Variants in DACT1 observed in about 807,000 individuals in gnomAD.
DACT1 encodes the protein dapper homolog 1.
A neutral mutation model predicts 35.3 loss-of-function variants in DACT1; 19 were observed. That is an observed-to-expected ratio of 0.54 (90% CI 0.38 to 0.79). DACT1 has a LOEUF of 0.79. DACT1 is among the 30% of genes least tolerant of loss of function. The pLI is 0.00. For synonymous variants in DACT1, 545 were observed against 466.7 expected (o/e 1.17, Z -2.16); for missense variants, 1,143 against 1,057.5 (o/e 1.08, Z -1.12).
chr14:58,646,676 A>C lies in DACT1; in HGVS notation c.1942A>C (p.Ile648Leu), dbSNP rs770011783. 3.7e-6 allele frequency: 6 copies of C among 1,612,552 alleles called. No homozygotes were observed. The Admixed American group carries it at 1.0e-4, about 27-fold the overall frequency. The change falls in exon 4 of 4, where the codon ATT becomes CTT. Residue 648 changes from isoleucine (I) to leucine (L), a missense_variant. Ile to Leu is a conservative substitution (Grantham distance 5). This residue lies in a region of DACT1 where 1,054 missense variants were observed against 958.8 expected (regional missense o/e 1.10). Coordinates refer to ENST00000395153, the MANE Select transcript of DACT1 (RefSeq NM_001079520.2). ...DYRRWKSSAEISYEEALRRAR... is the reference protein window; with the variant it reads ...DYRRWKSSAELSYEEALRRAR... Reference sequence around the variant, plus strand: ...CCGGCGGTGGAAGTCCTCGGCCGAGATTTCCTACGAAGAGGCCCTGAGGAG... The same window carrying C: ...CCGGCGGTGGAAGTCCTCGGCCGAGCTTTCCTACGAAGAGGCCCTGAGGAG...
At chr14:58,640,621 TG>T in intron 1 of DACT1, 114 bp from the exon 2 acceptor site, 1 of 1,270,300 alleles carries the variant, frequency 7.9e-7, no homozygotes, top group Non-Finnish European at 1.1e-6. Context: ...AGTAAAATTT[TG>T]GTTTTCTAAG....
chr14:58,641,541 A>T, intron 2 of DACT1, 51 bp from the exon 3 acceptor site: 1 of 1,554,596 alleles, frequency 6.4e-7, no homozygotes, highest in East Asian at 2.3e-5. Context: ...AAGCGTGAAT[A>T]TGCATTATTT....
At chr14:58,639,274 T>C in intron 1 of DACT1, 1 of 985,108 alleles carries the variant, frequency 1.0e-6, no homozygotes, top group African/African-American at 1.7e-5. Context: ...TAAGCATTTA[T>C]CTTACTGGGT....
intron 2 of DACT1, 30 bp from the exon 3 acceptor site, chr14:58,641,562 T>C (rs2140214363): frequency 6.3e-7 from 1 of 1,599,902 alleles, no homozygotes; most frequent in Non-Finnish European, 8.5e-7. Context: ...CTTGACATGA[T>C]GTTAATTCCA....
rs2047692903 is a variant in DACT1 at position 58,646,780 on chromosome 14, C to T, written c.2046C>T (p.Tyr682=). The T allele has an allele frequency of 1.2e-6, 2 of 1,614,044 alleles. No individual in the cohort carries two copies. Among genetic ancestry groups the T allele is most frequent in the South Asian group, 1.1e-5 (1 of 91,094 alleles). The change falls in exon 4 of 4, where the codon TAC becomes TAT. Residue 682 remains tyrosine (Y), a synonymous_variant. Coordinates refer to ENST00000395153, the MANE Select transcript of DACT1 (RefSeq NM_001079520.2). Reference sequence around the variant, plus strand: ...TGCCCTACGCCAGCCCCTACGCCTACGTGGCTAGCGACTCCGAGTACTCGG... The same window carrying T: ...TGCCCTACGCCAGCCCCTACGCCTATGTGGCTAGCGACTCCGAGTACTCGG... ...VPLPYASPYA[Y]VASDSEYSAE... is the part of the protein sequence containing the mutation.
upstream of DACT1, among the ~76,000 whole-genome samples, chr14:58,634,548 G>GA (rs2047561911): frequency 6.6e-6 from 1 of 152,164 alleles, no homozygotes. Flanking sequence ...ATGTCTGGCT[G>GA]GGGCTTTGAT....
rs1294936579 is a variant in DACT1 at position 58,645,630 on chromosome 14, A to C, written c.896A>C (p.Lys299Thr). 13 of 1,614,212 alleles carry C rather than the reference A, an allele frequency of 8.1e-6. No homozygotes were observed. The highest frequency in any genetic ancestry group is 1.1e-5 in the Non-Finnish European group (13 of 1,180,034). The stretch of plus-strand genomic sequence containing the variant: ...TCTGCTTCCCATCCTTCATCCAGCA[A>C]GAAAATGGATGGCTACATTCTGAGC... ...LWSASHPSSS[K>T]KMDGYILSLV... The change falls in exon 4 of 4, where the codon AAG (lysine) becomes ACG (threonine). Residue 299 changes from lysine (K) to threonine (T), a missense_variant. By Grantham distance (78) the Lys-to-Thr change is moderately conservative. This residue lies in a region of DACT1 where 1,054 missense variants were observed against 958.8 expected (regional missense o/e 1.10). Coordinates refer to ENST00000395153, the MANE Select transcript of DACT1 (RefSeq NM_001079520.2).
intron 1 of DACT1, chr14:58,639,042 C>T (rs1595595682): frequency 1.0e-6 from 1 of 985,324 alleles, no homozygotes; most frequent in Non-Finnish European, 1.2e-6. Flanking sequence ...TACACTGGAG[C>T]GCCTGTAGGG....
intron 3 of DACT1, among the ~76,000 whole-genome samples, chr14:58,643,811 A>C (rs556717833): frequency 5.9e-5 from 9 of 152,236 alleles, no homozygotes; most frequent in African/African-American, 2.2e-4. Context: ...GATAGGGCTT[A>C]CGTTGCTGGG....
At position 58,646,309 on chromosome 14, in the gene DACT1, G is replaced by A. The variant is rs1158055528; in HGVS notation, c.1575G>A (p.Gly525=). ...AHLVKAQFIP[G]QQPSVRLHRG... is the part of the protein sequence containing the mutation. ...TGGTCAAGGCCCAGTTTATCCCGGG[G>A]CAGCAGCCCAGTGTCAGGCTCCACC... The change falls in exon 4 of 4, where the codon GGG becomes GGA. Residue 525 remains glycine (G), a synonymous_variant. Coordinates refer to ENST00000395153, the MANE Select transcript of DACT1 (RefSeq NM_001079520.2). The A allele has an allele frequency of 6.2e-7, 1 of 1,610,428 alleles. No homozygotes were observed. The highest frequency in any genetic ancestry group is 2.2e-5 in the East Asian group (1 of 44,862).
Position 58,646,377 on chromosome 14 carries a change from A to G in DACT1, c.1643A>G (p.Lys548Arg). ...NMGVVKNSSLKHRGPALQGLE... is the reference protein window; with the variant it reads ...NMGVVKNSSLRHRGPALQGLE... The stretch of plus-strand genomic sequence containing the variant: ...GGCGTCGTGAAGAACTCCAGCCTGA[A>G]GCACCGCGGCCCAGCCCTCCAGGGG... Residue 548 changes from lysine to arginine, a missense_variant, in exon 4 of 4, where the codon AAG becomes AGG. Lys to Arg is a conservative substitution (Grantham distance 26). Coordinates refer to ENST00000395153, the MANE Select transcript of DACT1 (RefSeq NM_001079520.2). 6.2e-7 allele frequency: 1 copy of G among 1,604,984 alleles called. No individual in the cohort carries two copies. Among genetic ancestry groups the G allele is most frequent in the Non-Finnish European group, 8.5e-7 (1 of 1,177,828 alleles).
At position 58,647,386 on chromosome 14, in the gene DACT1, C is replaced by T. The variant is rs2047704026; in HGVS notation, c.*252C>T. On this transcript the variant is annotated 3_prime_UTR_variant, in exon 4 of 4. Coordinates refer to ENST00000395153, the MANE Select transcript of DACT1 (RefSeq NM_001079520.2). ...GGTGGTGATAGTGAGTTTTGTGGCA[C>T]CAGCTGTTTTTTATTTTAAACTTTC... The T allele has an allele frequency of 2.1e-6, 1 of 481,898 alleles. No homozygotes were observed. The highest frequency in any genetic ancestry group is 4.2e-5 in the Admixed American group (1 of 23,994). The allele number at this position is 481,898 out of a possible 1,614,324, so 29.9% of individuals were successfully genotyped here.
intron 1 of DACT1, chr14:58,639,231 G>A: frequency 1.0e-6 from 1 of 985,480 alleles, no homozygotes; most frequent in African/African-American, 1.7e-5. Flanking sequence ...GTGATTGGTG[G>A]TGGAGGTGGG....
Position 58,646,551 on chromosome 14 carries a change from C to A in DACT1, c.1817C>A (p.Pro606His). 6.4e-7 allele frequency: 1 copy of A among 1,554,992 alleles called. No individual in the cohort carries two copies. The highest frequency in any genetic ancestry group is 8.7e-7 in the Non-Finnish European group (1 of 1,152,770). Residue 606 changes from proline to histidine, a missense_variant, in exon 4 of 4, where the codon CCC becomes CAC. Physicochemically the swap from Pro to His is moderately conservative, Grantham distance 77. Coordinates refer to ENST00000395153, the MANE Select transcript of DACT1 (RefSeq NM_001079520.2). ...GGGGGCGGGCCCGAGGCTGGTGTTCCCGGCAGGCCCGCGGGCGGGGGCCAC... is the reference window on the plus strand; with the variant it reads ...GGGGGCGGGCCCGAGGCTGGTGTTCACGGCAGGCCCGCGGGCGGGGGCCAC... ...KSGGGPEAGV[P>H]GRPAGGGHRA...
rs1424987729 is a variant in DACT1 at position 58,645,688 on chromosome 14, C to T, written c.954C>T (p.Thr318=). 6.2e-7 allele frequency: 1 copy of T among 1,614,098 alleles called. No individual in the cohort carries two copies. Among genetic ancestry groups the T allele is most frequent in the Non-Finnish European group, 8.5e-7 (1 of 1,180,054 alleles). Residue 318 remains threonine (T), a synonymous_variant, in exon 4 of 4, where the codon ACC becomes ACT. Coordinates refer to ENST00000395153, the MANE Select transcript of DACT1 (RefSeq NM_001079520.2). ...LVQKKTHPVR[T]NKPRTSVNAD... ...AGAAAAAAACACACCCTGTAAGGAC[C>T]AACAAACCAAGAACCAGCGTGAACG...
upstream of DACT1, among the ~76,000 whole-genome samples, chr14:58,637,340 C>G (rs1318138395): frequency 6.6e-6 from 1 of 152,258 alleles, no homozygotes; most frequent in African/African-American, 2.4e-5. Context: ...ATCGTAAGAC[C>G]GACGTTAAAA....
chr14:58,638,794 G>A (rs545731479), intron 1 of DACT1: 8 of 1,183,440 alleles, frequency 6.8e-6, no homozygotes, highest in Non-Finnish European at 6.3e-6. Context: ...TTGCGGGAAG[G>A]GGGTGGCCGC....
chr14:58,641,015 T>G (rs1462276952), intron 2 of DACT1, 147 bp downstream of exon 2: 17 of 898,238 alleles, frequency 1.9e-5, no homozygotes, highest in Non-Finnish European at 2.8e-5. Flanking sequence ...CCATTCAGTT[T>G]TATCGGAATA....
chr14:58,638,021 G>T lies in DACT1; in HGVS notation c.-182G>T, dbSNP rs1474137220. On this transcript the variant is annotated 5_prime_UTR_variant, in exon 1 of 4. Transcript: ENST00000395153. ...GGCGACAGCGGACGGCGCTGCCCGG[G>T]CCGGGACAGCAGCAGCCGGCGGTCG... is the stretch of plus-strand genomic sequence containing the variant. The T allele has an allele frequency of 1.2e-5, 6 of 498,870 alleles. No individual in the cohort carries two copies. Among genetic ancestry groups the T allele is most frequent in the Non-Finnish European group, 1.8e-5 (6 of 340,478 alleles). 30.9% of individuals were successfully genotyped at this position (498,870 alleles called of 1,614,324 possible). A position where few individuals can be genotyped will look rare whatever the true frequency, so the allele number is the denominator to read the frequency against.
Sources: allele counts gnomAD v4.1 joint callset (sites outside exome capture counted in the v4.1 genomes callset), GRCh38; gene constraint gnomAD v4.1.1; regional missense constraint gnomAD v4.1.1; transcripts MANE v1.5; gene names NCBI Gene and HGNC (gene_info 2026-07-23, HGNC 2026-07-21).